The following CLEC16A variants were observed in gnomAD, a reference collection of about 807,000 sequenced individuals.
CLEC16A encodes the protein protein CLEC16A.
Under a neutral mutation model 109.5 loss-of-function variants are expected in CLEC16A, and 51 were observed. That is an observed-to-expected ratio of 0.47 (90% CI 0.37 to 0.59). CLEC16A has a LOEUF of 0.59. CLEC16A is among the 20% of genes least tolerant of loss of function. The pLI, the probability that CLEC16A is intolerant of heterozygous loss-of-function variation, is 0.00. For missense variants in CLEC16A, 1,339 were observed against 1,394.0 expected, an observed-to-expected ratio of 0.96 and a Z score of 0.63; for synonymous variants, 673 against 564.2, an observed-to-expected ratio of 1.19 and a Z score of -2.73.
At chr16:10,975,634 A>G (rs779542869) in intron 7 of CLEC16A, among the ~76,000 whole-genome samples, 34 of 152,150 alleles carry the variant, frequency 2.2e-4, no homozygotes, top group Admixed American at 2.0e-4. Context: ...TGCTGTAAAT[A>G]TTTACCAAAT....
At chr16:11,066,606 A>G (rs2048773561) in intron 19 of CLEC16A, 1 of 152,144 alleles carries the variant, frequency 6.6e-6, no homozygotes, top group African/African-American at 2.4e-5. Context: ...AGCCTGCATG[A>G]TATTCTGTTG....
intron 20 of CLEC16A, 88 bp downstream of exon 20, chr16:11,120,854 A>G: frequency 6.0e-6 from 7 of 1,175,586 alleles, no homozygotes; most frequent in Non-Finnish European, 7.7e-6. Flanking sequence ...CACAATTGTC[A>G]TCTTTATCAT....
At chr16:11,157,775 T>G (rs967967330) in intron 22 of CLEC16A, among the ~76,000 whole-genome samples, 1 of 152,220 alleles carries the variant, frequency 6.6e-6, no homozygotes, top group African/African-American at 2.4e-5. Flanking sequence ...CCCCAACACG[T>G]GCTCTTTGAG....
At position 11,150,010 on chromosome 16, in the gene CLEC16A, C is replaced by T. The variant is rs1271975032; in HGVS notation, c.2642-16378C>T. 5 of 152,144 alleles carry T rather than the reference C, an allele frequency of 3.3e-5. No homozygotes were observed. The South Asian group carries it at 6.2e-4, about 19-fold the overall frequency. The allele number at this position is 152,144 out of a possible 1,614,324, so 9.4% of individuals were successfully genotyped here. A position where few individuals can be genotyped will look rare whatever the true frequency, so the allele number is the denominator to read the frequency against. ...GAAAATCAAAATATTTTTCCTAACT[C>T]GTATGATGGCAAAACCAAAACCTGC... On this transcript the variant is annotated intron_variant, in intron 22 of 23. Transcript: ENST00000409790.
chr16:11,164,604 A>G (rs567653167), intron 22 of CLEC16A, among the ~76,000 whole-genome samples: 1 of 152,356 alleles, frequency 6.6e-6, no homozygotes, highest in South Asian at 2.1e-4. Context: ...AGATGGGCAC[A>G]CTGCTTCTGT....
chr16:11,042,159 T>C (rs1312076711), intron 14 of CLEC16A, 95 bp from the exon 15 acceptor site: 11 of 878,828 alleles, frequency 1.3e-5, no homozygotes, highest in Admixed American at 2.1e-5. Context: ...TGGTCTATCA[T>C]GTGACCTGCT....
chr16:11,166,730 G>T (rs574194017), intron 23 of CLEC16A, among the ~76,000 whole-genome samples, 178 bp downstream of exon 23: 3 of 152,182 alleles, frequency 2.0e-5, no homozygotes, highest in Admixed American at 6.5e-5. Flanking sequence ...TCCCTCCCAG[G>T]CTGGGTCAGC....
At chr16:11,081,377 C>T (rs2049706247) in intron 19 of CLEC16A, among the ~76,000 whole-genome samples, 1 of 152,188 alleles carries the variant, frequency 6.6e-6, no homozygotes, top group Non-Finnish European at 1.5e-5. Context: ...TCCCAGGTTG[C>T]CTCCTCTGTC....
intron 23 of CLEC16A, among the ~76,000 whole-genome samples, chr16:11,167,761 G>A (rs546795636): frequency 5.3e-5 from 8 of 152,162 alleles, no homozygotes; most frequent in Non-Finnish European, 8.8e-5. Context: ...CTGCTCCAGG[G>A]CATGACCACC....
At chr16:10,995,854 A>C (rs1222472379) in intron 10 of CLEC16A, among the ~76,000 whole-genome samples, 1 of 152,092 alleles carries the variant, frequency 6.6e-6, no homozygotes, top group East Asian at 1.9e-4. Flanking sequence ...CTACTTCTCA[A>C]ATCGCTTAGC....
intron 19 of CLEC16A, among the ~76,000 whole-genome samples, chr16:11,076,733 C>G (rs1238918199): frequency 6.6e-6 from 1 of 152,220 alleles, no homozygotes; most frequent in East Asian, 1.9e-4. Context: ...AGAAGGCCAT[C>G]TCTCCTATAC....
At chr16:11,048,065 A>C (rs2047726992) in intron 17 of CLEC16A, 1 of 152,256 alleles carries the variant, frequency 6.6e-6, no homozygotes, top group Non-Finnish European at 1.5e-5. Context: ...TTGGGTGAGG[A>C]CACAGAGCCA....
At chr16:11,106,768 G>A (rs1271694910) in intron 19 of CLEC16A, among the ~76,000 whole-genome samples, 1 of 152,038 alleles carries the variant, frequency 6.6e-6, no homozygotes, top group Non-Finnish European at 1.5e-5. Flanking sequence ...ACTCCAGCTT[G>A]CATATCATGA....
At chr16:10,977,506 T>C (rs964561831) in intron 8 of CLEC16A, 107 bp downstream of exon 8, 1 of 863,090 alleles carries the variant, frequency 1.2e-6, no homozygotes, top group South Asian at 2.2e-5. Flanking sequence ...AGGACTGAGG[T>C]TTTTTTTTTG....
chr16:11,142,760 G>C (rs1011471886), intron 22 of CLEC16A, among the ~76,000 whole-genome samples: 1 of 152,238 alleles, frequency 6.6e-6, no homozygotes, highest in African/African-American at 2.4e-5. Context: ...ACAGAGGTAG[G>C]CTTCTGAGGA....
intron 15 of CLEC16A, among the ~76,000 whole-genome samples, chr16:11,043,553 C>CCT (rs1413630137): frequency 6.6e-6 from 1 of 152,048 alleles, no homozygotes; most frequent in Admixed American, 6.6e-5. Context: ...TGTCTCCTTT[C>CCT]CTCTCTCTCT....
chr16:11,069,181 A>G (rs1307805505), intron 19 of CLEC16A, among the ~76,000 whole-genome samples: 1 of 151,994 alleles, frequency 6.6e-6, no homozygotes. Context: ...AGGATGAAGT[A>G]CAGTGGTATA....
At chr16:11,169,142 G>A (rs536911019) in intron 23 of CLEC16A, among the ~76,000 whole-genome samples, 126 of 152,358 alleles carry the variant, frequency 8.3e-4, no homozygotes, top group African/African-American at 2.8e-3. Context: ...TGAGGGTACA[G>A]TGCTAAGTCA....
chr16:11,015,450 G>A lies in CLEC16A; in HGVS notation c.1304-4743G>A, dbSNP rs79512130. On this transcript the variant is annotated intron_variant, in intron 11 of 23. Coordinates refer to ENST00000409790, the MANE Select transcript of CLEC16A (RefSeq NM_015226.3). ...CTCAATATCCAGGGTTGGACCAGAC[G>A]GTGGTTTTCAAGCAGTTTTGTGTGA... Among the ~76,000 whole-genome samples the A allele has an allele frequency of 4.5e-3, 687 of 152,240 alleles. 5 individuals carry two copies. The highest frequency in any genetic ancestry group is 0.031 in the Middle Eastern group (9 of 294).
Sources: allele counts gnomAD v4.1 joint callset (sites outside exome capture counted in the v4.1 genomes callset), GRCh38; gene constraint gnomAD v4.1.1; transcripts MANE v1.5; gene names NCBI Gene and HGNC (gene_info 2026-07-23, HGNC 2026-07-21).